Variants in GSPT1 observed in about 807,000 individuals in gnomAD.
GSPT1 encodes G1 to S phase transition 1.
Under a neutral mutation model 72.5 loss-of-function variants are expected in GSPT1, and 20 were observed. The observed-to-expected ratio is 0.28, with a 90% CI of 0.19 to 0.40. The LOEUF is 0.40. GSPT1 is among the 10% of genes least tolerant of loss of function. The probability of loss-of-function intolerance (pLI) is 1.00; values close to 1 mark genes in which losing one functional copy is unlikely to be tolerated. For missense variants in GSPT1, 580 were observed against 811.9 expected (o/e 0.71, Z 3.47); for synonymous variants, 334 against 293.5 (o/e 1.14, Z -1.41).
intron 1 of GSPT1, chr16:11,914,852 G>A (rs1273954990): frequency 1.4e-5 from 6 of 443,258 alleles, no homozygotes; most frequent in Non-Finnish European, 2.4e-5. Context: ...ACGGTTGGGG[G>A]CCACGGACAG....
chr16:11,873,988 CAT>C (rs1427911434), intron 14 of GSPT1, among the ~76,000 whole-genome samples: 1 of 152,196 alleles, frequency 6.6e-6, no homozygotes. Context: ...GAATAAATAA[CAT>C]GTTACATGGT....
At chr16:11,912,794 G>C (rs2054577101) in intron 1 of GSPT1, among the ~76,000 whole-genome samples, 1 of 152,182 alleles carries the variant, frequency 6.6e-6, no homozygotes, top group South Asian at 2.1e-4. Context: ...TTTTTAAGGA[G>C]AATCTCTTGG....
intron 10 of GSPT1, among the ~76,000 whole-genome samples, chr16:11,883,599 A>G: frequency 6.8e-6 from 1 of 146,314 alleles, no homozygotes; most frequent in African/African-American, 2.7e-5. Flanking sequence ...CAGCTTGGGT[A>G]AAAGAGCAAG....
chr16:11,882,487 T>G (rs1446531485), intron 11 of GSPT1: 1 of 152,608 alleles, frequency 6.6e-6, no homozygotes, highest in Non-Finnish European at 1.5e-5. Context: ...TTTTTCTAAT[T>G]TACTCTGCCT....
In GSPT1 at chr16:11,885,177, G is replaced by T. The variant is rs756644460; in HGVS notation, c.1347+4C>A. ...AAACCCAATTTCTTTAACATTTTGG[G>T]TACCTTGTACTTATCCACAATTGGC... is the stretch of plus-strand genomic sequence containing the variant. On this transcript the variant is annotated splice_donor_region_variant and intron_variant, in intron 10 of 14. Transcript: ENST00000434724. 1.4e-6 allele frequency: 2 copies of T among 1,431,986 alleles called. No homozygotes were observed. The highest frequency in any genetic ancestry group is 2.0e-6 in the Non-Finnish European group (2 of 1,015,162). The allele number at this position is 1,431,986 out of a possible 1,614,324, so 88.7% of individuals were successfully genotyped here.
chr16:11,899,331 T>C (rs560143320), intron 1 of GSPT1, among the ~76,000 whole-genome samples: 76 of 128,608 alleles, frequency 5.9e-4, no homozygotes, highest in African/African-American at 1.7e-3. Flanking sequence ...AATTGTTTTC[T>C]TTTTTTTTTT....
intron 1 of GSPT1, among the ~76,000 whole-genome samples, chr16:11,911,551 A>AT (rs3971907): frequency 1.8e-5 from 2 of 108,402 alleles, no homozygotes; most frequent in African/African-American, 3.5e-5. Context: ...ACACCCAGCT[A>AT]TTTTTTTTTT....
intron 10 of GSPT1, among the ~76,000 whole-genome samples, chr16:11,883,459 C>CAAAAAAA (rs66922380): frequency 1.5e-5 from 1 of 66,466 alleles, no homozygotes; most frequent in Admixed American, 2.4e-4. Context: ...ACTAAAAATA[C>CAAAAAAA]AAAAAAAAAA....
upstream of GSPT1, chr16:11,915,966 C>T (rs370034501): frequency 2.0e-4 from 147 of 724,642 alleles, no homozygotes; most frequent in African/African-American, 2.4e-3. Context: ...CGGATCTCCT[C>T]CCACCCAACC....
chr16:11,884,893 C>A (rs1210983544), intron 10 of GSPT1, among the ~76,000 whole-genome samples: 1 of 151,586 alleles, frequency 6.6e-6, no homozygotes, highest in African/African-American at 2.4e-5. Context: ...ACAGTGAAAC[C>A]CCGTCTCTAC....
intron 1 of GSPT1, among the ~76,000 whole-genome samples, chr16:11,910,648 C>G (rs960311294): frequency 6.6e-6 from 1 of 152,152 alleles, no homozygotes; most frequent in Admixed American, 6.6e-5. Flanking sequence ...CATTTCTTCC[C>G]CAGCAAACCA....
rs1349270408 is a variant in GSPT1, at chr16:11,885,259, A to T, written c.1269T>A (p.Ile423=). The change falls in exon 10 of 15, where the codon ATT becomes ATA. Residue 423 remains isoleucine, a synonymous_variant. Coordinates refer to ENST00000434724, the MANE Select transcript of GSPT1 (RefSeq NM_002094.4). The part of the protein sequence containing the change: ...FCPWYIGLPF[I]PYLDNLPNFN... Reference sequence around the variant, plus strand: ...AGTTCGGCAAATTATCCAGATATGGAATAAACGGTAATCCACTGAGAACAT... The same window carrying T: ...AGTTCGGCAAATTATCCAGATATGGTATAAACGGTAATCCACTGAGAACAT... The T allele has an allele frequency of 6.5e-7, 1 of 1,542,372 alleles. No individual in the cohort carries two copies. The highest frequency in any genetic ancestry group is 9.0e-7 in the Non-Finnish European group (1 of 1,115,172).
intron 1 of GSPT1, among the ~76,000 whole-genome samples, chr16:11,910,803 A>T (rs886203098): frequency 1.3e-5 from 2 of 152,262 alleles, no homozygotes; most frequent in Admixed American, 6.5e-5. Context: ...ATGTACTGAC[A>T]GCACTACGTA....
chr16:11,915,487 G>C lies in GSPT1; in HGVS notation c.234C>G (p.Pro78=), dbSNP rs1434357581. The C allele has an allele frequency of 1.3e-6, 2 of 1,552,388 alleles. No individual in the cohort carries two copies. Among genetic ancestry groups the C allele is most frequent in the Non-Finnish European group, 1.7e-6 (2 of 1,151,480 alleles). The change falls in exon 1 of 15, where the codon CCC becomes CCG. Residue 78 remains proline, a synonymous_variant. Coordinates refer to ENST00000434724, the MANE Select transcript of GSPT1 (RefSeq NM_002094.4). Reference sequence around the variant, plus strand: ...GCACGAACTCGGCGGCGTGGACGTTGGGCACGAAGGGCTTGGCGTTGACGT... The same window carrying C: ...GCACGAACTCGGCGGCGTGGACGTTCGGCACGAAGGGCTTGGCGTTGACGT... ...QLNVNAKPFV[P]NVHAAEFVPS...
Position 11,873,145 on chromosome 16 carries a change from G to C in GSPT1, c.1888C>G (p.Leu630Val), listed in dbSNP as rs1324613193. The change falls in exon 15 of 15, where the codon CTG (leucine) becomes GTG (valine). Residue 630 changes from leucine (L) to valine (V), a missense_variant. This residue lies in a region of GSPT1 where 120 missense variants were observed against 242.5 expected (regional missense o/e 0.49). Coordinates refer to ENST00000434724, the MANE Select transcript of GSPT1 (RefSeq NM_002094.4). ...TAGTCTTTCTCTGGAACCAGTTTCA[G>C]AACTTTTCCAATTGCAATGGTCTTA... ...EGKTIAIGKV[L>V]KLVPEKD The C allele has an allele frequency of 6.3e-7, 1 of 1,596,540 alleles. No homozygotes were observed. The highest frequency in any genetic ancestry group is 1.1e-5 in the South Asian group (1 of 90,622).
At chr16:11,904,745 T>C (rs2054467368) in intron 1 of GSPT1, among the ~76,000 whole-genome samples, 1 of 152,188 alleles carries the variant, frequency 6.6e-6, no homozygotes, top group Non-Finnish European at 1.5e-5. Flanking sequence ...GCTTGATGCA[T>C]GTATTTCATA....
rs977909466 is a variant in GSPT1 at position 11,868,420 on chromosome 16, T to G, written c.*4699A>C. On this transcript the variant is annotated 3_prime_UTR_variant, in exon 15 of 15. Coordinates refer to ENST00000434724, the MANE Select transcript of GSPT1 (RefSeq NM_002094.4). ...TAACCTGCTGTCTAGCGAAAACTAG[T>G]CACTAAGTCCTGGCCTGAGAGATAC... The G allele has an allele frequency of 6.6e-6, 1 of 151,108 alleles. No homozygotes were observed. Among genetic ancestry groups the G allele is most frequent in the Non-Finnish European group, 1.5e-5 (1 of 67,932 alleles). The allele number at this position is 151,108 out of a possible 1,614,324, so 9.4% of individuals were successfully genotyped here.
intron 1 of GSPT1, among the ~76,000 whole-genome samples, chr16:11,909,208 T>A (rs960606811): frequency 6.9e-6 from 1 of 145,228 alleles, no homozygotes; most frequent in Admixed American, 6.9e-5. Context: ...TTCTTCTCTC[T>A]TTGAAAGTAG....
In GSPT1 at chr16:11,915,782, C is replaced by A. The variant is rs749686053; in HGVS notation, c.-62G>T. ...GGAAATGGAGGCAGGGGCGCCCGGC[C>A]GGAGAGGAGTGGGCAACGCTGACTG... On this transcript the variant is annotated 5_prime_UTR_variant, in exon 1 of 15. Transcript: ENST00000434724. 4.7e-5 allele frequency: 74 copies of A among 1,577,380 alleles called. No individual in the cohort carries two copies. In the East Asian group the frequency reaches 1.7e-3, roughly 36 times the overall value.
Sources: allele counts gnomAD v4.1 joint callset (sites outside exome capture counted in the v4.1 genomes callset), GRCh38; gene constraint gnomAD v4.1.1; regional missense constraint gnomAD v4.1.1; transcripts MANE v1.5; gene names NCBI Gene and HGNC (gene_info 2026-07-23, HGNC 2026-07-21).